The following RTN1 variants were observed in gnomAD, a reference collection of about 807,000 sequenced individuals.
RTN1 encodes the protein reticulon 1.
In RTN1, 25 loss-of-function variants were observed where a neutral mutation model predicts 65.5. That is an observed-to-expected ratio of 0.38 (90% CI 0.28 to 0.53). The LOEUF (loss-of-function observed/expected upper bound fraction) is 0.53. RTN1 is among the 20% of genes least tolerant of loss of function. The pLI is 0.79. For synonymous variants in RTN1, 471 were observed against 447.6 expected (o/e 1.05, Z -0.66); for missense variants, 983 against 1,025.4 (o/e 0.96, Z 0.57).
intron 1 of RTN1, among the ~76,000 whole-genome samples, chr14:59,819,122 T>C (rs1886875468): frequency 6.6e-6 from 1 of 152,106 alleles, no homozygotes; most frequent in Admixed American, 6.5e-5. Flanking sequence ...CCCAGTGGAT[T>C]TGTGGTCTCG....
intron 3 of RTN1, among the ~76,000 whole-genome samples, chr14:59,662,580 T>C (rs953610860): frequency 1.3e-5 from 2 of 151,968 alleles, no homozygotes; most frequent in African/African-American, 4.8e-5. Flanking sequence ...TTTCGGTTGG[T>C]TCCAGGTCTT....
intron 1 of RTN1, among the ~76,000 whole-genome samples, chr14:59,818,822 C>T (rs1376797630): frequency 6.6e-6 from 1 of 152,212 alleles, no homozygotes; most frequent in Non-Finnish European, 1.5e-5. Flanking sequence ...ACCTCAGCGA[C>T]ATCTGCTATT....
At chr14:59,631,761 A>C (rs1195549589) in intron 3 of RTN1, among the ~76,000 whole-genome samples, 1 of 152,212 alleles carries the variant, frequency 6.6e-6, no homozygotes, top group Non-Finnish European at 1.5e-5. Flanking sequence ...AGGGGTCCCT[A>C]GAGGAGACAA....
intron 1 of RTN1, among the ~76,000 whole-genome samples, chr14:59,811,306 A>G (rs1209997643): frequency 6.6e-6 from 1 of 152,224 alleles, no homozygotes; most frequent in Non-Finnish European, 1.5e-5. Flanking sequence ...CTGATGATGC[A>G]AACACAAGCA....
chr14:59,811,077 C>T (rs1257943387), intron 1 of RTN1, among the ~76,000 whole-genome samples: 1 of 152,182 alleles, frequency 6.6e-6, no homozygotes, highest in East Asian at 1.9e-4. Flanking sequence ...TTGGCACAGA[C>T]TCTCTCACTT....
chr14:59,817,873 T>C (rs1206165192), intron 1 of RTN1, among the ~76,000 whole-genome samples: 1 of 152,220 alleles, frequency 6.6e-6, no homozygotes. Flanking sequence ...GTTTTCTTTT[T>C]TTCTTCAACT....
At chr14:59,840,851 T>C (rs1887298988) in intron 1 of RTN1, among the ~76,000 whole-genome samples, 1 of 152,142 alleles carries the variant, frequency 6.6e-6, no homozygotes, top group South Asian at 2.1e-4. Context: ...TACGTGGAAA[T>C]TTCACCAAGT....
chr14:59,832,265 G>A (rs1887137800), intron 1 of RTN1, among the ~76,000 whole-genome samples: 1 of 152,118 alleles, frequency 6.6e-6, no homozygotes, highest in Middle Eastern at 3.4e-3. Context: ...GAACAATTTG[G>A]TTGCATGAGC....
intron 1 of RTN1, among the ~76,000 whole-genome samples, chr14:59,780,483 T>C (rs1214567559): frequency 3.3e-5 from 5 of 152,210 alleles, no homozygotes; most frequent in South Asian, 4.1e-4. Context: ...CATTACCTAA[T>C]GGTGCCAACC....
intron 3 of RTN1, among the ~76,000 whole-genome samples, chr14:59,703,816 G>A (rs578163427): frequency 1.3e-5 from 2 of 152,286 alleles, no homozygotes; most frequent in African/African-American, 4.8e-5. Context: ...TGATGTAACT[G>A]AAATTTTGGT....
chr14:59,780,310 C>T (rs777870327), intron 1 of RTN1, among the ~76,000 whole-genome samples: 1 of 152,142 alleles, frequency 6.6e-6, no homozygotes, highest in Non-Finnish European at 1.5e-5. Flanking sequence ...GAAACCTAAC[C>T]TTCCTAGTGT....
chr14:59,811,491 A>G lies in RTN1; in HGVS notation c.241+58899T>C, dbSNP rs76567196. ...GTGCACTGCATTGTAAGTACGTATC[A>G]ATTCTTGAAATATCAGCTAATAATG... On this transcript the variant is annotated intron_variant, in intron 1 of 8. Transcript: ENST00000267484. 5.0e-3 allele frequency among the ~76,000 whole-genome samples: 765 copies of G among 152,350 alleles called. 19 individuals are homozygous for G. The East Asian group carries it at 0.057, about 11-fold the overall frequency.
At chr14:59,629,547 C>G (rs1231233214) in intron 3 of RTN1, among the ~76,000 whole-genome samples, 2 of 152,196 alleles carry the variant, frequency 1.3e-5, no homozygotes, top group Admixed American at 1.3e-4. Context: ...TGAAAAGACA[C>G]TACCTCCGAC....
chr14:59,607,233 A>AG, intron 4 of RTN1, 52 bp downstream of exon 4: 1 of 1,516,246 alleles, frequency 6.6e-7, no homozygotes, highest in South Asian at 1.1e-5. Context: ...AATACAGGTG[A>AG]GGGTAAAAGC....
chr14:59,617,515 T>A (rs895864818), intron 3 of RTN1, among the ~76,000 whole-genome samples: 1 of 152,248 alleles, frequency 6.6e-6, no homozygotes, highest in Non-Finnish European at 1.5e-5. Context: ...ATTCATTTTA[T>A]AAACAAACCA....
At position 59,829,592 on chromosome 14, in the gene RTN1, T is replaced by C. The variant is rs1182683908; in HGVS notation, c.241+40798A>G. ...TAGATGGCAGACAGCTAGACATAGG[T>C]GGAGGGCAGGGCACCAAACAACATT... On this transcript the variant is annotated intron_variant, in intron 1 of 8. Coordinates refer to ENST00000267484, the MANE Select transcript of RTN1 (RefSeq NM_021136.3). This position sits in a 1 kb window ranked among gnomAD's most constrained non-coding sequence, Gnocchi z 4.3. Among the ~76,000 whole-genome samples, 3 of 152,160 alleles carry C rather than the reference T, an allele frequency of 2.0e-5. No homozygotes were observed. The East Asian group carries it at 5.8e-4, about 29-fold the overall frequency.
intron 3 of RTN1, among the ~76,000 whole-genome samples, chr14:59,662,316 C>A (rs1304391652): frequency 7.3e-6 from 1 of 137,548 alleles, no homozygotes; most frequent in Non-Finnish European, 1.6e-5. Context: ...CCCCCTCCCC[C>A]CACCCCACAA....
chr14:59,713,540 T>C (rs1310195248), intron 3 of RTN1, among the ~76,000 whole-genome samples: 2 of 152,204 alleles, frequency 1.3e-5, no homozygotes, highest in Non-Finnish European at 2.9e-5. Context: ...CACTTACTGC[T>C]GAGAATGGGT....
At chr14:59,841,716 CAA>C (rs67435104) in intron 1 of RTN1, among the ~76,000 whole-genome samples, 1 of 136,844 alleles carries the variant, frequency 7.3e-6, no homozygotes, top group African/African-American at 2.7e-5. Flanking sequence ...AAAAAAAAAA[CAA>C]AAAAAAAAAC....
Sources: gnomAD v4.1 joint callset for allele counts (sites outside exome capture counted in the v4.1 genomes callset) on GRCh38, gnomAD v4.1.1 for gene constraint, Gnocchi (gnomAD v3.1) non-coding constraint, MANE v1.5 for transcripts, NCBI Gene and HGNC (gene_info 2026-07-23, HGNC 2026-07-21) for gene names.